The following SMYD3 variants were observed in gnomAD, a reference collection of about 807,000 sequenced individuals.
SMYD3 encodes the protein histone-lysine N-methyltransferase SMYD3.
In SMYD3, 36 loss-of-function variants were observed where a neutral mutation model predicts 57.7. That is an observed-to-expected ratio of 0.62 (90% CI 0.48 to 0.82). The LOEUF is 0.82. SMYD3 is among the 40% of genes least tolerant of loss of function. The probability of loss-of-function intolerance (pLI) is 0.00; values close to 1 mark genes in which losing one functional copy is unlikely to be tolerated. For missense variants in SMYD3, 515 were observed against 538.8 expected (o/e 0.96, Z 0.44); for synonymous variants, 211 against 195.0 (o/e 1.08, Z -0.68).
intron 5 of SMYD3, among the ~76,000 whole-genome samples, chr1:246,271,606 A>G (rs2064224208): frequency 6.6e-6 from 1 of 152,178 alleles, no homozygotes; most frequent in African/African-American, 2.4e-5. Flanking sequence ...TCATTTGACC[A>G]TATAGGTGAG....
At chr1:246,484,130 C>T (rs199728005) in intron 1 of SMYD3, among the ~76,000 whole-genome samples, 56 of 54,238 alleles carry the variant, frequency 1.0e-3, no homozygotes, top group African/African-American at 2.8e-3. Context: ...TAAACCATTG[C>T]ACTAGTTACA....
intron 5 of SMYD3, among the ~76,000 whole-genome samples, chr1:246,089,630 G>T (rs2060786120): frequency 1.3e-5 from 2 of 152,088 alleles, no homozygotes; most frequent in South Asian, 4.1e-4. Context: ...TATTTCACTT[G>T]ATCCAGATTT....
chr1:246,461,955 C>T (rs74151974), intron 1 of SMYD3, among the ~76,000 whole-genome samples: 4,876 of 151,972 alleles, frequency 0.032, 222 homozygotes, highest in African/African-American at 0.1. Context: ...AAGGAACAAA[C>T]GTATAAACCA....
intron 8 of SMYD3, among the ~76,000 whole-genome samples, chr1:245,895,886 AAAAGAGT>A (rs1251256254): frequency 9.2e-5 from 14 of 152,376 alleles, no homozygotes; most frequent in African/African-American, 2.9e-4. Context: ...GTGTTGCAGA[AAAAGAGT>A]TTTTCTAAAA....
intron 5 of SMYD3, chr1:245,956,213 C>T (rs1434339020): frequency 4.3e-6 from 1 of 230,510 alleles, no homozygotes; most frequent in East Asian, 1.8e-4. Context: ...CCACAGTATT[C>T]AGCCTCTTGG....
intron 5 of SMYD3, among the ~76,000 whole-genome samples, chr1:246,130,314 T>C (rs1316903910): frequency 6.6e-6 from 1 of 152,174 alleles, no homozygotes; most frequent in Non-Finnish European, 1.5e-5. Context: ...ATTTTCAGTG[T>C]TATAAACACT....
intron 11 of SMYD3, among the ~76,000 whole-genome samples, chr1:245,760,449 C>T (rs112002971): frequency 6.6e-6 from 1 of 152,132 alleles, no homozygotes; most frequent in Non-Finnish European, 1.5e-5. Context: ...ACTCACAGGT[C>T]ACGTGAGCTT....
At chr1:246,028,637 T>C (rs572232975) in intron 5 of SMYD3, among the ~76,000 whole-genome samples, 17 of 152,322 alleles carry the variant, frequency 1.1e-4, no homozygotes, top group African/African-American at 4.1e-4. Flanking sequence ...ATTAATATTG[T>C]TAAGATGACC....
At chr1:246,137,695 T>G (rs1435760460) in intron 5 of SMYD3, among the ~76,000 whole-genome samples, 1 of 152,226 alleles carries the variant, frequency 6.6e-6, no homozygotes, top group African/African-American at 2.4e-5. Flanking sequence ...ATGATCGATT[T>G]TTCCCTCCAC....
At chr1:245,756,630 C>T (rs1189961882) in intron 11 of SMYD3, among the ~76,000 whole-genome samples, 1 of 152,052 alleles carries the variant, frequency 6.6e-6, no homozygotes, top group East Asian at 1.9e-4. Flanking sequence ...GGACAACATA[C>T]ATTCTAAGGG....
chr1:246,184,700 T>C (rs143992641), intron 5 of SMYD3, among the ~76,000 whole-genome samples: 219 of 152,236 alleles, frequency 1.4e-3, no homozygotes, highest in African/African-American at 5.2e-3. Flanking sequence ...AGAGAGCTCA[T>C]TGACCTGCTC....
chr1:246,116,710 A>C (rs2061347928), intron 5 of SMYD3, among the ~76,000 whole-genome samples: 1 of 152,242 alleles, frequency 6.6e-6, no homozygotes, highest in Admixed American at 6.5e-5. Context: ...ACATATAACT[A>C]GTTAGCCAGG....
intron 5 of SMYD3, among the ~76,000 whole-genome samples, chr1:245,935,097 G>A (rs2056924752): frequency 6.6e-6 from 1 of 152,182 alleles, no homozygotes; most frequent in Non-Finnish European, 1.5e-5. Context: ...CATAGCACAG[G>A]AAATGGTCAA....
intron 5 of SMYD3, among the ~76,000 whole-genome samples, chr1:246,065,904 T>C (rs1307907136): frequency 6.6e-6 from 1 of 152,252 alleles, no homozygotes; most frequent in Non-Finnish European, 1.5e-5. Context: ...TATCTGTTAC[T>C]AACATGAGAC....
chr1:246,042,344 A>C (rs1186788151), intron 5 of SMYD3, among the ~76,000 whole-genome samples: 1 of 152,206 alleles, frequency 6.6e-6, no homozygotes, highest in African/African-American at 2.4e-5. Flanking sequence ...AAAACTGTGG[A>C]GGAAAATCCA....
At chr1:246,357,274 G>C (rs753590102) in intron 1 of SMYD3, among the ~76,000 whole-genome samples, 16 of 152,252 alleles carry the variant, frequency 1.1e-4, no homozygotes, top group South Asian at 4.2e-4. Context: ...GTTGCAGTAA[G>C]GAAGCCTGCT....
intron 10 of SMYD3, among the ~76,000 whole-genome samples, chr1:245,818,736 G>T (rs2048990043): frequency 2.0e-5 from 3 of 151,824 alleles, no homozygotes; most frequent in African/African-American, 7.3e-5. Flanking sequence ...AAAAGGCAGG[G>T]GTTGCAATCC....
At chr1:245,854,245 T>G (rs2051120605) in intron 10 of SMYD3, among the ~76,000 whole-genome samples, 1 of 152,112 alleles carries the variant, frequency 6.6e-6, no homozygotes, top group African/African-American at 2.4e-5. Flanking sequence ...CATTTTAGTG[T>G]GTGTGGTGGG....
At chr1:246,327,447 AT>A (rs757251452) in intron 4 of SMYD3, 110 bp from the exon 5 acceptor site, 2 of 932,168 alleles carry the variant, frequency 2.1e-6, no homozygotes, top group Non-Finnish European at 1.6e-6. Context: ...CTTACATTGG[AT>A]TTTGACAAAG....
Sources: allele counts gnomAD v4.1 joint callset (sites outside exome capture counted in the v4.1 genomes callset), GRCh38; gene constraint gnomAD v4.1.1; transcripts MANE v1.5; gene names NCBI Gene and HGNC (gene_info 2026-07-23, HGNC 2026-07-21).